Variants in VCF1 observed in about 807,000 individuals in gnomAD.
VCF1 encodes protein VCF1.
the VCF1 span, chr17:73,232,159 C>A: frequency 1.1e-4 from 183 of 1,610,302 alleles, 2 homozygotes; most frequent in South Asian, 2.0e-3. Context: ...AGAGAGGGAA[C>A]AGAGGGGGTT....
At chr17:73,228,690 A>G in the VCF1 span, among the ~76,000 whole-genome samples, 2 of 152,232 alleles carry the variant, frequency 1.3e-5, no homozygotes, top group Admixed American at 1.3e-4. Context: ...AGGTTAAAAA[A>G]AAATAGATGA....
chr17:73,226,306 G>T, the VCF1 span, among the ~76,000 whole-genome samples: 1 of 152,244 alleles, frequency 6.6e-6, no homozygotes, highest in Admixed American at 6.5e-5. Flanking sequence ...TTACCTACAT[G>T]AAAGTTCCTG....
the VCF1 span, chr17:73,212,667 T>G: frequency 1.1e-5 from 18 of 1,590,586 alleles, no homozygotes; most frequent in Non-Finnish European, 1.2e-5. Flanking sequence ...TACACTCAAT[T>G]AGAAACCCAC....
chr17:73,212,752 G>A, the VCF1 span: 1 of 1,572,206 alleles, frequency 6.4e-7, no homozygotes, highest in Non-Finnish European at 8.7e-7. Flanking sequence ...TGAAAATCAA[G>A]GCAAGAACTA....
At chr17:73,232,070 G>T in the VCF1 span, 1 of 1,587,124 alleles carries the variant, frequency 6.3e-7, no homozygotes, top group South Asian at 1.1e-5. Flanking sequence ...TGGAAAGGGG[G>T]TCCCTTCCCT....
chr17:73,208,244 C>T, the VCF1 span: 588 of 1,608,964 alleles, frequency 3.7e-4, 1 homozygote, highest in Non-Finnish European at 4.4e-4. Flanking sequence ...CGAGTGGCGT[C>T]GCGCGGAGGG....
chr17:73,208,397 C>G, the VCF1 span: 1 of 1,614,252 alleles, frequency 6.2e-7, no homozygotes, highest in Non-Finnish European at 8.5e-7. Flanking sequence ...AAGAAGACAA[C>G]ACGTCTGCAC....
the VCF1 span, among the ~76,000 whole-genome samples, chr17:73,230,908 A>G: frequency 2.4e-4 from 36 of 152,214 alleles, no homozygotes; most frequent in East Asian, 1.9e-3. Context: ...AAATATTTAG[A>G]TTTTTTTTCA....
At chr17:73,208,582 C>T in the VCF1 span, 2 of 1,125,932 alleles carry the variant, frequency 1.8e-6, no homozygotes, top group South Asian at 2.5e-5. Flanking sequence ...CCCCTAGTTA[C>T]TGTTGGGGGT....
the VCF1 span, among the ~76,000 whole-genome samples, chr17:73,214,316 T>TA: frequency 0.02 from 2,899 of 143,702 alleles, 34 homozygotes; most frequent in African/African-American, 0.029. Flanking sequence ...CAACCAGCAT[T>TA]AAAAAAAAAA....
At chr17:73,214,786 C>A in the VCF1 span, among the ~76,000 whole-genome samples, 83,968 of 152,018 alleles carry the variant, frequency 0.55, 23,693 homozygotes, top group Non-Finnish European at 0.62. Context: ...CACATTTGTT[C>A]TCGAAAAGAC....
the VCF1 span, chr17:73,208,595 CT>C: frequency 9.7e-7 from 1 of 1,029,836 alleles, no homozygotes; most frequent in Non-Finnish European, 1.5e-6. Flanking sequence ...TTGGGGGTTA[CT>C]TTAAGCATCA....
chr17:73,227,134 A>C, the VCF1 span: 1 of 1,470,058 alleles, frequency 6.8e-7, no homozygotes, highest in Admixed American at 2.3e-5. Context: ...CAAGCAGTGA[A>C]AACAACAGAC....
the VCF1 span, chr17:73,209,758 C>CGG: frequency 6.5e-7 from 1 of 1,541,954 alleles, no homozygotes; most frequent in Non-Finnish European, 8.7e-7. Flanking sequence ...ACCACTGTCA[C>CGG]TGCCTGAAGA....
At chr17:73,229,358 T>C in the VCF1 span, 6 of 985,352 alleles carry the variant, frequency 6.1e-6, no homozygotes, top group African/African-American at 8.7e-5. Flanking sequence ...ATCAGTTCAA[T>C]CAATCAGATT....
chr17:73,224,840 C>G, the VCF1 span, among the ~76,000 whole-genome samples: 52,410 of 126,910 alleles, frequency 0.41, 12,409 homozygotes, highest in East Asian at 0.52. Flanking sequence ...CACAGCACAG[C>G]ACAGGACAGG....
At chr17:73,229,473 C>A in the VCF1 span, 23 of 985,426 alleles carry the variant, frequency 2.3e-5, no homozygotes, top group Non-Finnish European at 2.8e-5. Context: ...TACCAGTTAG[C>A]ATCTGTTACT....
chr17:73,226,970 A>G, the VCF1 span, among the ~76,000 whole-genome samples: 1 of 152,226 alleles, frequency 6.6e-6, no homozygotes, highest in Admixed American at 6.5e-5. Context: ...CTATGTGCAC[A>G]TATGTACTGT....
the VCF1 span, among the ~76,000 whole-genome samples, chr17:73,215,261 A>G: frequency 1.3e-5 from 2 of 152,182 alleles, no homozygotes; most frequent in African/African-American, 4.8e-5. Flanking sequence ...CCATGATACA[A>G]TCTATTTTGG....
Sources: gnomAD v4.1 joint callset for allele counts (sites outside exome capture counted in the v4.1 genomes callset) on GRCh38, gnomAD v4.1.1 for gene constraint, MANE v1.5 for transcripts, NCBI Gene and HGNC (gene_info 2026-07-23, HGNC 2026-07-21) for gene names.